The following MEI1 variants were observed in gnomAD, a reference collection of about 807,000 sequenced individuals.
MEI1 encodes the protein meiosis inhibitor protein 1.
Under a neutral mutation model 146.2 loss-of-function variants are expected in MEI1, and 103 were observed. That is an observed-to-expected ratio of 0.70 (90% confidence interval 0.60 to 0.83). The LOEUF is 0.83. MEI1 is among the 40% of genes least tolerant of loss of function. The pLI is 0.00. For synonymous variants in MEI1, 652 were observed against 628.2 expected (o/e 1.04, Z -0.57); for missense variants, 1,529 against 1,533.0 (o/e 1.00, Z 0.04).
In MEI1 at chr22:41,794,373, C is replaced by T; in HGVS notation, c.3430C>T (p.Leu1144Phe). The change falls in exon 28 of 31, where the codon CTC (leucine) becomes TTC (phenylalanine). Residue 1144 changes from leucine to phenylalanine, a missense_variant and splice_region_variant. By Grantham distance (22) the Leu-to-Phe change is conservative. Transcript: ENST00000401548. ...TAACAACCCAGTGTTTCTTGAAGCT[C>T]TCCACGTGGCCTCCCAGCCTTGGAA... ...YLDARSPDIA[L>F]HVASQPWNRF... 1 of 1,613,744 alleles carries T rather than the reference C, an allele frequency of 6.2e-7. No individual in the cohort carries two copies. Among genetic ancestry groups the T allele is most frequent in the South Asian group, 1.1e-5 (1 of 91,078 alleles).
At chr22:41,773,408 C>G (rs1163047736) in intron 20 of MEI1, among the ~76,000 whole-genome samples, 1 of 152,102 alleles carries the variant, frequency 6.6e-6, no homozygotes, top group Non-Finnish European at 1.5e-5. Flanking sequence ...CTGTCATTCA[C>G]TAATCATTGA....
chr22:41,774,056 A>C (rs2075322055), intron 20 of MEI1: 1 of 152,210 alleles, frequency 6.6e-6, no homozygotes, highest in Non-Finnish European at 1.5e-5. Context: ...AAAGCTGTTA[A>C]TTGCCACTCT....
In MEI1 at chr22:41,758,425, C is replaced by G. The variant is rs1446189915; in HGVS notation, c.2012C>G (p.Pro671Arg). The G allele has an allele frequency of 1.9e-6, 3 of 1,613,966 alleles. No individual in the cohort carries two copies. The highest frequency in any genetic ancestry group is 2.5e-6 in the Non-Finnish European group (3 of 1,179,886). Residue 671 changes from proline (P) to arginine (R), a missense_variant, in exon 18 of 31, where the codon CCT becomes CGT. This residue lies in a region of MEI1 where 1,212 missense variants were observed against 1,178.9 expected (regional missense o/e 1.03). Transcript: ENST00000401548. ...CTGCCCCAGATAAGCAGCAGGAGCC[C>G]TGAAAGCCTTGCCTTCCTGTCTGAT... is the stretch of plus-strand genomic sequence containing the variant. ...HGLPQISSRS[P>R]ESLAFLSDRQ...
chr22:41,731,638 G>A (rs1253370410), intron 9 of MEI1, among the ~76,000 whole-genome samples: 3 of 152,142 alleles, frequency 2.0e-5, no homozygotes, highest in African/African-American at 4.8e-5. Flanking sequence ...GATTACAGGC[G>A]TGAGTGCACT....
At chr22:41,793,534 T>C (rs1476139496) in intron 26 of MEI1, among the ~76,000 whole-genome samples, 2 of 151,630 alleles carry the variant, frequency 1.3e-5, no homozygotes, top group Non-Finnish European at 2.9e-5. Flanking sequence ...ACTCCCGACC[T>C]CAGGTGATCC....
chr22:41,797,023 T>C (rs950542236), intron 30 of MEI1, among the ~76,000 whole-genome samples: 2 of 152,070 alleles, frequency 1.3e-5, no homozygotes, highest in Non-Finnish European at 2.9e-5. Context: ...TTTAAGACAG[T>C]GTCTTGCTTT....
At chr22:41,720,760 C>T (rs1314114774) in intron 6 of MEI1, among the ~76,000 whole-genome samples, 1 of 151,094 alleles carries the variant, frequency 6.6e-6, no homozygotes, top group Admixed American at 6.6e-5. Context: ...CCATGCCCGG[C>T]TAATTTATTT....
chr22:41,797,874 G>C (rs2076416942), intron 30 of MEI1, among the ~76,000 whole-genome samples: 1 of 152,070 alleles, frequency 6.6e-6, no homozygotes, highest in Non-Finnish European at 1.5e-5. Context: ...ACAGCTCCTG[G>C]CTTGGTGTGA....
intron 30 of MEI1, among the ~76,000 whole-genome samples, chr22:41,798,224 T>TGCAC (rs1478135382): frequency 1.5e-5 from 2 of 137,142 alleles, no homozygotes; most frequent in South Asian, 2.5e-4. Flanking sequence ...GATGGCCAGG[T>TGCAC]GCACACACAC....
chr22:41,715,384 T>A (rs1377661060), intron 4 of MEI1, among the ~76,000 whole-genome samples: 2 of 151,966 alleles, frequency 1.3e-5, no homozygotes, highest in African/African-American at 4.8e-5. Context: ...CTATAATAAC[T>A]ATGATAACAA....
Position 41,777,873 on chromosome 22 carries a change from G to A in MEI1, c.2711-835G>A, listed in dbSNP as rs542747160. ...CCCTGCTTCCTTCCTTCCTTCCTTC[G>A]TTCCTTCCTTCCATCCATCCTTCTT... On this transcript the variant is annotated intron_variant, in intron 21 of 30. Coordinates refer to ENST00000401548, the MANE Select transcript of MEI1 (RefSeq NM_152513.4). Among the ~76,000 whole-genome samples the A allele has an allele frequency of 3.5e-5, 5 of 142,298 alleles. No individual in the cohort carries two copies. In the South Asian group the frequency reaches 6.6e-4, roughly 19 times the overall value. 93.4% of individuals were successfully genotyped at this position (142,298 alleles called of 152,430 possible). A position where few individuals can be genotyped will look rare whatever the true frequency, so the allele number is the denominator to read the frequency against.
rs200396678 is a variant in MEI1, at chr22:41,723,793, A to C, written c.734-150A>C. On this transcript the variant is annotated intron_variant, in intron 6 of 30. Coordinates refer to ENST00000401548, the MANE Select transcript of MEI1 (RefSeq NM_152513.4). The stretch of plus-strand genomic sequence containing the variant: ...TCTGTGTGGAAGAGAGTCGGGTGCA[A>C]AAAGCAAATTGGTGCTTAAGGATTC... 106 of 1,037,858 alleles carry C rather than the reference A, an allele frequency of 1.0e-4. 1 individual carries two copies. The East Asian group carries it at 2.8e-3, about 27-fold the overall frequency. 64.3% of individuals were successfully genotyped at this position (1,037,858 alleles called of 1,614,324 possible). A position where few individuals can be genotyped will look rare whatever the true frequency, so the allele number is the denominator to read the frequency against.
At chr22:41,722,062 C>T (rs1370867826) in intron 6 of MEI1, 3 of 149,256 alleles carry the variant, frequency 2.0e-5, no homozygotes, top group Non-Finnish European at 4.4e-5. Flanking sequence ...TAACCCTATG[C>T]ATGTTTGTCA....
chr22:41,755,201 T>C (rs2074014662), intron 17 of MEI1, among the ~76,000 whole-genome samples: 1 of 152,180 alleles, frequency 6.6e-6, no homozygotes, highest in Non-Finnish European at 1.5e-5. Context: ...CCTGATATAA[T>C]AGAAAACAGT....
chr22:41,771,528 C>T (rs145759190), intron 20 of MEI1, among the ~76,000 whole-genome samples: 57 of 152,200 alleles, frequency 3.7e-4, no homozygotes, highest in African/African-American at 1.3e-3. Flanking sequence ...CTCCACCTCC[C>T]GGGTTCACGC....
intron 3 of MEI1, among the ~76,000 whole-genome samples, chr22:41,709,978 C>A (rs566139257): frequency 1.8e-4 from 28 of 152,042 alleles, no homozygotes; most frequent in Middle Eastern, 3.4e-3. Context: ...GTACCCCCCA[C>A]CCCCGGCAAA....
chr22:41,758,240 T>C, intron 17 of MEI1, 125 bp from the exon 18 acceptor site: 1 of 805,190 alleles, frequency 1.2e-6, no homozygotes, highest in Non-Finnish European at 1.8e-6. Context: ...TTTCCTTATT[T>C]CCCACTATAC....
chr22:41,732,688 C>T, intron 11 of MEI1, 85 bp downstream of exon 11: 1 of 1,406,962 alleles, frequency 7.1e-7, no homozygotes, highest in Non-Finnish European at 9.6e-7. Context: ...ATTTAAGTAT[C>T]CCTAGATTAC....
At chr22:41,726,326 A>G (rs2074927970) in intron 7 of MEI1, among the ~76,000 whole-genome samples, 1 of 152,238 alleles carries the variant, frequency 6.6e-6, no homozygotes, top group African/African-American at 2.4e-5. Context: ...TTTCTGACTT[A>G]GGAATCATAC....
Sources: gnomAD v4.1 joint callset for allele counts (sites outside exome capture counted in the v4.1 genomes callset) on GRCh38, gnomAD v4.1.1 for gene constraint, gnomAD v4.1.1 regional missense constraint, MANE v1.5 for transcripts, NCBI Gene and HGNC (gene_info 2026-07-23, HGNC 2026-07-21) for gene names.